THSD7A: variants seen among roughly 807,000 people sequenced by gnomAD.
THSD7A encodes the protein thrombospondin type-1 domain-containing protein 7A.
THSD7A carries 96 observed loss-of-function variants against 231.3 expected under a neutral mutation model. The observed-to-expected ratio is 0.41, with a 90% CI of 0.35 to 0.49. The LOEUF is 0.49. Ranked by LOEUF, THSD7A falls within the 20% of genes least tolerant of loss-of-function variation. The pLI, the probability that THSD7A is intolerant of heterozygous loss-of-function variation, is 0.05. For synonymous variants in THSD7A, 940 were observed against 743.3 expected (o/e 1.26, Z -4.30); for missense variants, 2,290 against 2,070.2 (o/e 1.11, Z -2.06).
At chr7:11,686,585 G>C (rs770137950) in intron 1 of THSD7A, among the ~76,000 whole-genome samples, 1 of 151,742 alleles carries the variant, frequency 6.6e-6, no homozygotes, top group Non-Finnish European at 1.5e-5. Context: ...AATCAACCTA[G>C]GTGTCCACCA....
At chr7:11,767,616 T>C (rs988862559) in intron 1 of THSD7A, among the ~76,000 whole-genome samples, 3 of 152,234 alleles carry the variant, frequency 2.0e-5, no homozygotes, top group African/African-American at 7.2e-5. Context: ...TATTTTCATT[T>C]TATTATCAGT....
intron 2 of THSD7A, among the ~76,000 whole-genome samples, chr7:11,597,939 T>C (rs1780422280): frequency 6.6e-6 from 1 of 152,138 alleles, no homozygotes; most frequent in South Asian, 2.1e-4. Context: ...CATGGGGAGT[T>C]CCCTATGATC....
intron 1 of THSD7A, among the ~76,000 whole-genome samples, chr7:11,806,408 C>G (rs924081737): frequency 2.6e-5 from 4 of 151,894 alleles, no homozygotes; most frequent in African/African-American, 7.3e-5. Context: ...GTTCAGCTTC[C>G]CAAAAAGATG....
At chr7:11,450,414 A>G (rs1177298453) in intron 11 of THSD7A, among the ~76,000 whole-genome samples, 3 of 152,018 alleles carry the variant, frequency 2.0e-5, no homozygotes, top group Admixed American at 1.3e-4. Flanking sequence ...CTTTTGGAAT[A>G]AATTACTCAT....
intron 1 of THSD7A, among the ~76,000 whole-genome samples, chr7:11,764,696 T>A (rs74601937): frequency 2.6e-5 from 4 of 152,094 alleles, no homozygotes; most frequent in African/African-American, 9.7e-5. Context: ...TTATCATAAT[T>A]TTTAGTAATT....
chr7:11,658,239 T>C (rs943166591), intron 1 of THSD7A, among the ~76,000 whole-genome samples: 1 of 151,860 alleles, frequency 6.6e-6, no homozygotes, highest in African/African-American at 2.4e-5. Context: ...GAGTCACTTA[T>C]TATTGTTGAA....
chr7:11,392,517 G>C (rs531469932), intron 23 of THSD7A, among the ~76,000 whole-genome samples: 3 of 151,032 alleles, frequency 2.0e-5, no homozygotes, highest in South Asian at 4.2e-4. Flanking sequence ...GGGGCCTGGA[G>C]CACCAGCAGG....
intron 23 of THSD7A, among the ~76,000 whole-genome samples, chr7:11,394,653 A>G (rs1451697778): frequency 6.6e-6 from 1 of 152,162 alleles, no homozygotes; most frequent in Non-Finnish European, 1.5e-5. Flanking sequence ...GGAACAATAA[A>G]TGTTAGTTAC....
intron 1 of THSD7A, among the ~76,000 whole-genome samples, chr7:11,719,472 T>G (rs1317243229): frequency 1.3e-5 from 2 of 151,650 alleles, no homozygotes; most frequent in Admixed American, 6.6e-5. Context: ...TTCATAATTA[T>G]ACTCACTCTC....
At chr7:11,609,014 A>G (rs529282494) in intron 2 of THSD7A, among the ~76,000 whole-genome samples, 85 of 152,268 alleles carry the variant, frequency 5.6e-4, no homozygotes, top group African/African-American at 1.7e-3. Context: ...CAAACCAAGT[A>G]TTCTATGTGT....
intron 6 of THSD7A, among the ~76,000 whole-genome samples, chr7:11,486,995 A>G (rs1290734920): frequency 6.6e-6 from 1 of 152,224 alleles, no homozygotes; most frequent in Non-Finnish European, 1.5e-5. Flanking sequence ...TTATTTTTGT[A>G]AACTCAAAAT....
At chr7:11,461,801 T>C (rs1785513987) in intron 10 of THSD7A, among the ~76,000 whole-genome samples, 1 of 152,154 alleles carries the variant, frequency 6.6e-6, no homozygotes, top group African/African-American at 2.4e-5. Flanking sequence ...ACCTTGGAAG[T>C]TTACACAAAT....
Position 11,543,081 on chromosome 7 carries a change from G to A in THSD7A, c.1490C>T (p.Pro497Leu). 1.2e-6 allele frequency: 2 copies of A among 1,613,076 alleles called. No individual in the cohort carries two copies. Among genetic ancestry groups the A allele is most frequent in the Non-Finnish European group, 1.7e-6 (2 of 1,179,598 alleles). The change falls in exon 5 of 28, where the codon CCT becomes CTT. Residue 497 changes from proline (P) to leucine (L), a missense_variant. Physicochemically the swap from Pro to Leu is moderately conservative, Grantham distance 98 (BLOSUM62 -3). Coordinates refer to ENST00000423059, the MANE Select transcript of THSD7A (RefSeq NM_015204.3). ...GCACAGCTGTGTAGTATTAGGGATA[G>A]GTCCAGTGCATAATTTTAAGTCCAT... ...KPMDLKLCTGPIPNTTQLCHI... is the reference protein window; with the variant it reads ...KPMDLKLCTGLIPNTTQLCHI...
chr7:11,378,811 G>A (rs1782384662), intron 26 of THSD7A: 4 of 404,658 alleles, frequency 9.9e-6, no homozygotes, highest in Non-Finnish European at 4.4e-6. Context: ...TGTAATTTTT[G>A]GACTGGAATT....
At chr7:11,469,132 T>C (rs1583799899) in intron 9 of THSD7A, among the ~76,000 whole-genome samples, 2 of 152,112 alleles carry the variant, frequency 1.3e-5, no homozygotes, top group Non-Finnish European at 2.9e-5. Context: ...ACAGGAAATT[T>C]AGAAAAAATT....
rs1562557600 is a variant in THSD7A at position 11,375,807 on chromosome 7, T to C, written c.4961A>G (p.Asp1654Gly). Reference protein sequence around the residue: ...LKPLTLAYDGDADM With the variant: ...LKPLTLAYDGGADM ...AAAAGTTATATGTTACATGTCGGCATCTCCATCATAGGCTAAGGTTAAAGG... is the reference window on the plus strand; with the variant it reads ...AAAAGTTATATGTTACATGTCGGCACCTCCATCATAGGCTAAGGTTAAAGG... The change falls in exon 28 of 28, where the codon GAT becomes GGT. Residue 1654 changes from aspartate (D) to glycine (G), a missense_variant. By Grantham distance (94) the Asp-to-Gly change is moderately conservative. Coordinates refer to ENST00000423059, the MANE Select transcript of THSD7A (RefSeq NM_015204.3). 6.2e-7 allele frequency: 1 copy of C among 1,612,524 alleles called. No homozygotes were observed. Among genetic ancestry groups the C allele is most frequent in the Non-Finnish European group, 8.5e-7 (1 of 1,178,884 alleles).
intron 2 of THSD7A, among the ~76,000 whole-genome samples, chr7:11,623,714 C>A (rs754090151): frequency 5.9e-5 from 9 of 152,042 alleles, no homozygotes; most frequent in Admixed American, 5.2e-4. Flanking sequence ...TAGAGTTTGG[C>A]TAGCACATAC....
chr7:11,666,871 C>T (rs989661850), intron 1 of THSD7A, among the ~76,000 whole-genome samples: 19 of 151,650 alleles, frequency 1.3e-4, no homozygotes, highest in Non-Finnish European at 2.7e-4. Flanking sequence ...ATTTTATTAC[C>T]AATTGCTGCA....
At chr7:11,786,735 A>G (rs1349802113) in intron 1 of THSD7A, among the ~76,000 whole-genome samples, 3 of 148,596 alleles carry the variant, frequency 2.0e-5, no homozygotes, top group Admixed American at 6.8e-5. Context: ...GTGCACATGT[A>G]CCCTAAAACT....
Sources: gnomAD v4.1 joint callset for allele counts (sites outside exome capture counted in the v4.1 genomes callset) on GRCh38, gnomAD v4.1.1 for gene constraint, MANE v1.5 for transcripts, NCBI Gene and HGNC (gene_info 2026-07-23, HGNC 2026-07-21) for gene names.